FCRL5: variants seen among roughly 807,000 people sequenced by gnomAD.
FCRL5 encodes the protein Fc receptor like 5.
Under a neutral mutation model 92.1 loss-of-function variants are expected in FCRL5, and 79 were observed. That is an observed-to-expected ratio of 0.86 (90% CI 0.72 to 1.03). The LOEUF (loss-of-function observed/expected upper bound fraction) is 1.03, where lower values mean the gene tolerates loss of function less well. Ranked by LOEUF, FCRL5 falls within the 50% of genes least tolerant of loss-of-function variation. FCRL5 has a pLI of 0.00. For synonymous variants in FCRL5, 466 were observed against 469.3 expected (o/e 0.99, Z 0.09); for missense variants, 1,160 against 1,181.1 (o/e 0.98, Z 0.26).
chr1:157,544,220 C>T (rs1462619341), intron 5 of FCRL5, 42 bp downstream of exon 5: 33 of 1,604,646 alleles, frequency 2.1e-5, no homozygotes, highest in Non-Finnish European at 2.7e-5. Context: ...CCCACTTTTC[C>T]AGCCCTCTCT....
chr1:157,521,787 G>T (rs1208713567), intron 10 of FCRL5: 1 of 153,736 alleles, frequency 6.5e-6, no homozygotes, highest in Non-Finnish European at 1.4e-5. Context: ...AGTGGGCCAG[G>T]TGTAGTGGCT....
rs557059397 is a variant in FCRL5 at position 157,520,498 on chromosome 1, G to T, written c.2565C>A (p.Gly855=). Residue 855 remains glycine (G), a synonymous_variant, in exon 12 of 17, where the codon GGC becomes GGA. Coordinates refer to ENST00000361835, the MANE Select transcript of FCRL5 (RefSeq NM_031281.3). The part of the protein sequence containing the change: ...SGPFATGVAG[G]LLSIAGLAAG... ...CAGCAAGGCCTGCTATGCTGAGCAG[G>T]CCCCCGGCGACTCCTGTGGCAAAAG... 3.8e-6 allele frequency: 6 copies of T among 1,575,322 alleles called. No homozygotes were observed. The South Asian group carries it at 4.7e-5, about 12-fold the overall frequency.
Position 157,552,473 on chromosome 1 carries a change from C to CA in FCRL5, c.-112dup. On this transcript the variant is annotated 5_prime_UTR_variant, in exon 1 of 17. It removes an upstream start codon present in the reference 5' UTR. Transcript: ENST00000361835. ...CACTGCACACCAGCTCCAAGGAGCA[C>CA]ATCTGAGAAGCTGTGCTCTCAAAAA... The CA allele has an allele frequency of 9.1e-7, 1 of 1,103,784 alleles. No individual in the cohort carries two copies. The highest frequency in any genetic ancestry group is 1.4e-6 in the Non-Finnish European group (1 of 721,272). The allele number at this position is 1,103,784 out of a possible 1,614,324, so 68.4% of individuals were successfully genotyped here. A position where few individuals can be genotyped will look rare whatever the true frequency, so the allele number is the denominator to read the frequency against.
At position 157,542,979 on chromosome 1, in the gene FCRL5, A is replaced by G; in HGVS notation, c.1003T>C (p.Cys335Arg). 6.2e-7 allele frequency: 1 copy of G among 1,614,230 alleles called. No individual in the cohort carries two copies. The highest frequency in any genetic ancestry group is 2.2e-5 in the East Asian group (1 of 44,890). Residue 335 changes from cysteine (C) to arginine (R), a missense_variant, in exon 6 of 17, where the codon TGT (cysteine) becomes CGT (arginine). Coordinates refer to ENST00000361835, the MANE Select transcript of FCRL5 (RefSeq NM_031281.3). Reference protein sequence around the residue: ...GVPLRHKSVRCERGASISFSL... With the variant: ...GVPLRHKSVRRERGASISFSL... ...AAGCTGATGGATGCTCCCCTTTCAC[A>G]GCGGACTGACTTGTGCCTCAGGGGG...
chr1:157,532,302 A>C (rs1650736698), intron 8 of FCRL5: 1 of 152,070 alleles, frequency 6.6e-6, no homozygotes, highest in Admixed American at 6.5e-5. Context: ...GTGACTCTAC[A>C]GGCTACTAGT....
In FCRL5 at chr1:157,547,142, T is replaced by G; in HGVS notation, c.108A>C (p.Gln36His). ...TGCAAGTGAGGGTCACTCTCTCTCC[T>G]TGGAAGACTGTGGTCCATGGAGGCT... ...FLQPPWTTVF[Q>H]GERVTLTCKG... Residue 36 changes from glutamine to histidine, a missense_variant, in exon 3 of 17, where the codon CAA becomes CAC. Transcript: ENST00000361835. The G allele has an allele frequency of 6.2e-7, 1 of 1,614,064 alleles. No homozygotes were observed. Among genetic ancestry groups the G allele is most frequent in the South Asian group, 1.1e-5 (1 of 91,068 alleles).
rs996143929 is a variant in FCRL5, at chr1:157,514,539, C to T, written c.*1136G>A. On this transcript the variant is annotated 3_prime_UTR_variant, in exon 17 of 17. Coordinates refer to ENST00000361835, the MANE Select transcript of FCRL5 (RefSeq NM_031281.3). ...GTTGGGCCCTGGGCAGCCAGAGCCA[C>T]ACATTCCCTCTCCATGGGCCTCTGC... 2 of 152,306 alleles carry T rather than the reference C, an allele frequency of 1.3e-5. No individual in the cohort carries two copies. Among genetic ancestry groups the T allele is most frequent in the African/African-American group, 4.8e-5 (2 of 41,454 alleles). The allele number at this position is 152,306 out of a possible 1,614,324, so 9.4% of individuals were successfully genotyped here.
At chr1:157,534,471 C>G in intron 8 of FCRL5, 143 bp downstream of exon 8, 1 of 963,038 alleles carries the variant, frequency 1.0e-6, no homozygotes, top group Non-Finnish European at 1.6e-6. Flanking sequence ...ACGGAAAACC[C>G]CAGCTAGTTA....
intron 10 of FCRL5, 197 bp from the exon 11 acceptor site, chr1:157,521,489 G>A (rs996469180): frequency 5.3e-6 from 3 of 570,210 alleles, no homozygotes; most frequent in African/African-American, 3.8e-5. Flanking sequence ...TGTAAAAAGT[G>A]TATAAATCAC....
intron 12 of FCRL5, 84 bp from the exon 13 acceptor site, chr1:157,519,854 C>T: frequency 7.1e-7 from 1 of 1,417,940 alleles, no homozygotes; most frequent in South Asian, 1.2e-5. Flanking sequence ...CACTTAGAAA[C>T]TGCCAGGAGT....
rs1649814859 is a variant in FCRL5, at chr1:157,513,891, C to G, written c.*1784G>C. On this transcript the variant is annotated 3_prime_UTR_variant, in exon 17 of 17. Transcript: ENST00000361835. ...GCTTGCTGCTGTCCTTCTTGACTTTCAACTAGGCCTAAAAAAGCGGCCTCG... is the reference window on the plus strand; with the variant it reads ...GCTTGCTGCTGTCCTTCTTGACTTTGAACTAGGCCTAAAAAAGCGGCCTCG... 6.6e-6 allele frequency: 1 copy of G among 152,182 alleles called. No homozygotes were observed. The highest frequency in any genetic ancestry group is 2.1e-4 in the South Asian group (1 of 4,810). 9.4% of individuals were successfully genotyped at this position (152,182 alleles called of 1,614,324 possible).
At chr1:157,534,322 T>C (rs1256172068) in intron 8 of FCRL5, 1 of 706,288 alleles carries the variant, frequency 1.4e-6, no homozygotes, top group East Asian at 2.7e-5. Flanking sequence ...TAGGACACGC[T>C]CCGTGCATCA....
chr1:157,538,097 A>C (rs1297792933), intron 7 of FCRL5, among the ~76,000 whole-genome samples: 4 of 152,164 alleles, frequency 2.6e-5, no homozygotes, highest in Non-Finnish European at 1.5e-5. Context: ...ATAGGACTTT[A>C]AACATCTCTG....
chr1:157,551,130 C>A (rs1571118757), intron 1 of FCRL5, among the ~76,000 whole-genome samples: 1 of 152,124 alleles, frequency 6.6e-6, no homozygotes, highest in Non-Finnish European at 1.5e-5. Flanking sequence ...TTCATATAAC[C>A]ATGTCAATAA....
Position 157,527,909 on chromosome 1 carries a change from T to G in FCRL5, c.1682-14A>C. 6.5e-7 allele frequency: 1 copy of G among 1,547,958 alleles called. No individual in the cohort carries two copies. Among genetic ancestry groups the G allele is most frequent in the Non-Finnish European group, 8.7e-7 (1 of 1,150,690 alleles). On this transcript the variant is annotated splice_polypyrimidine_tract_variant and intron_variant, in intron 8 of 16. Coordinates refer to ENST00000361835, the MANE Select transcript of FCRL5 (RefSeq NM_031281.3). The stretch of plus-strand genomic sequence containing the variant: ...GAGACACTGGAACTGAGAGAGAAAA[T>G]GAGTTAGGGACACATGTATTTTTAA...
At chr1:157,532,631 TA>T (rs1650751083) in intron 8 of FCRL5, 1 of 152,238 alleles carries the variant, frequency 6.6e-6, no homozygotes, top group Non-Finnish European at 1.5e-5. Context: ...CCTTTGTTTC[TA>T]TATCTAAATC....
chr1:157,547,098 G>A lies in FCRL5; in HGVS notation c.152C>T (p.Ser51Leu). 1 of 1,614,204 alleles carries A rather than the reference G, an allele frequency of 6.2e-7. No individual in the cohort carries two copies. Among genetic ancestry groups the A allele is most frequent in the African/African-American group, 1.3e-5 (1 of 75,056 alleles). ...ATGGTACCATTTTGTTTTCTGTGGT[G>A]AGTAGAAGCGAAATCCCTTGCAAGT... Reference protein sequence around the residue: ...TLTCKGFRFYSPQKTKWYHRY... With the variant: ...TLTCKGFRFYLPQKTKWYHRY... Residue 51 changes from serine (S) to leucine (L), a missense_variant, in exon 3 of 17, where the codon TCA (serine) becomes TTA (leucine). Ser to Leu is a moderately radical substitution (Grantham distance 145). Coordinates refer to ENST00000361835, the MANE Select transcript of FCRL5 (RefSeq NM_031281.3).
At chr1:157,536,586 C>T (rs1217267755) in intron 7 of FCRL5, among the ~76,000 whole-genome samples, 2 of 152,246 alleles carry the variant, frequency 1.3e-5, no homozygotes, top group Admixed American at 6.5e-5. Context: ...CAGAATATGG[C>T]CCAAGCCCTT....
chr1:157,529,601 G>GCA (rs1650598761), intron 8 of FCRL5, among the ~76,000 whole-genome samples: 1 of 151,974 alleles, frequency 6.6e-6, no homozygotes, highest in African/African-American at 2.4e-5. Flanking sequence ...ACGCATGTGT[G>GCA]TGTGTGTGTG....
Sources: allele counts gnomAD v4.1 joint callset (sites outside exome capture counted in the v4.1 genomes callset), GRCh38; gene constraint gnomAD v4.1.1; transcripts MANE v1.5; gene names NCBI Gene and HGNC (gene_info 2026-07-23, HGNC 2026-07-21).